NOSTRIN: variants seen among roughly 807,000 people sequenced by gnomAD.
NOSTRIN encodes the protein nitric oxide synthase trafficking, also known as BM247 homolog.
NOSTRIN carries 63 observed loss-of-function variants against 59.0 expected under a neutral mutation model. The observed-to-expected ratio is 1.07, with a 90% CI of 0.87 to 1.32. NOSTRIN has a LOEUF of 1.32. Ranked by LOEUF, NOSTRIN falls within the 40% of genes most tolerant of loss-of-function variation. The pLI is 0.00. For synonymous variants in NOSTRIN, 200 were observed against 165.4 expected, an observed-to-expected ratio of 1.21 and a Z score of -1.61; for missense variants, 512 against 473.1, an observed-to-expected ratio of 1.08 and a Z score of -0.76.
chr2:168,808,895 A>C (rs1686000991), intron 1 of NOSTRIN, among the ~76,000 whole-genome samples: 1 of 152,242 alleles, frequency 6.6e-6, no homozygotes, highest in South Asian at 2.1e-4. Flanking sequence ...TAGCCAAATA[A>C]ATTATGAAAA....
rs753982193 is a variant in NOSTRIN at position 168,856,751 on chromosome 2, G to A, written c.1026G>A (p.Gln342=). 4.3e-6 allele frequency: 7 copies of A among 1,614,174 alleles called. No homozygotes were observed. In the South Asian group the frequency reaches 6.6e-5, roughly 15 times the overall value. Residue 342 remains glutamine (Q), a synonymous_variant, in exon 12 of 16, where the codon CAG becomes CAA. Transcript: ENST00000317647. ...CCTCCTTCTCTGATGCAAAGAGCCA[G>A]AAAGACACAGCAGCGTTAATGGATG... The part of the protein sequence containing the change: ...STSSFSDAKS[Q]KDTAALMDEN...
chr2:168,860,952 C>A, intron 14 of NOSTRIN, 43 bp downstream of exon 14: 2 of 1,238,052 alleles, frequency 1.6e-6, no homozygotes, highest in Non-Finnish European at 2.4e-6. Flanking sequence ...GTCCTACTGG[C>A]AGGGCACATT....
intron 3 of NOSTRIN, among the ~76,000 whole-genome samples, 181 bp from the exon 4 acceptor site, chr2:168,827,977 T>C (rs1687145499): frequency 6.6e-6 from 1 of 151,872 alleles, no homozygotes; most frequent in Admixed American, 6.6e-5. Flanking sequence ...ATATAATGAG[T>C]ATAGTGCAAA....
chr2:168,829,141 A>T (rs1246025408), intron 5 of NOSTRIN, among the ~76,000 whole-genome samples: 1 of 152,136 alleles, frequency 6.6e-6, no homozygotes, highest in East Asian at 1.9e-4. Context: ...ACAATCCTCA[A>T]ATGTCCTAAA....
At chr2:168,809,527 A>G (rs938160412) in intron 1 of NOSTRIN, among the ~76,000 whole-genome samples, 18 of 152,148 alleles carry the variant, frequency 1.2e-4, no homozygotes, top group Admixed American at 3.3e-4. Context: ...GAAGAAAACA[A>G]AAGGCTTAGG....
chr2:168,828,996 TATTTC>T (rs1403012633), intron 5 of NOSTRIN, among the ~76,000 whole-genome samples: 2 of 152,154 alleles, frequency 1.3e-5, no homozygotes, highest in African/African-American at 4.8e-5. Context: ...AGGTTATTTT[TATTTC>T]ATTTTTATAC....
At chr2:168,806,336 T>C (rs1685850344) in intron 1 of NOSTRIN, among the ~76,000 whole-genome samples, 1 of 152,128 alleles carries the variant, frequency 6.6e-6, no homozygotes, top group Non-Finnish European at 1.5e-5. Context: ...TAGAACTAAA[T>C]TTAACCCTCT....
rs533610093 is a variant in NOSTRIN at position 168,837,466 on chromosome 2, A to G, written c.504+3141A>G. 5.3e-5 allele frequency among the ~76,000 whole-genome samples: 8 copies of G among 150,984 alleles called. 1 individual carries two copies. The South Asian group carries it at 1.3e-3, about 24-fold the overall frequency. ...CTGGGACTACAGGCCCCGCCACCAC[A>G]CCCAGCTAATTTTTTATATTTTTTA... On this transcript the variant is annotated intron_variant, in intron 7 of 15. Transcript: ENST00000317647.
intron 7 of NOSTRIN, among the ~76,000 whole-genome samples, chr2:168,839,969 T>C (rs985317345): frequency 6.7e-6 from 1 of 150,132 alleles, no homozygotes; most frequent in Admixed American, 6.6e-5. Flanking sequence ...TTCATATATA[T>C]ACTTGAACTA....
At chr2:168,804,952 C>T (rs1341835462) in intron 1 of NOSTRIN, among the ~76,000 whole-genome samples, 1 of 152,072 alleles carries the variant, frequency 6.6e-6, no homozygotes, top group African/African-American at 2.4e-5. Flanking sequence ...TTACATTCAC[C>T]CTGACTTCAA....
At chr2:168,848,940 T>C (rs994323500) in intron 8 of NOSTRIN, among the ~76,000 whole-genome samples, 1 of 152,234 alleles carries the variant, frequency 6.6e-6, no homozygotes, top group Non-Finnish European at 1.5e-5. Flanking sequence ...TGGCATGTCA[T>C]ATTATGTAAA....
intron 5 of NOSTRIN, 91 bp from the exon 6 acceptor site, chr2:168,831,381 C>T (rs533318362): frequency 2.5e-5 from 18 of 728,618 alleles, no homozygotes; most frequent in African/African-American, 1.0e-4. Context: ...AGGTTTCAAT[C>T]GATACATTTT....
At chr2:168,802,044 T>C (rs1685629680), upstream of NOSTRIN, among the ~76,000 whole-genome samples, 1 of 151,950 alleles carries the variant, frequency 6.6e-6, no homozygotes, top group South Asian at 2.1e-4. Context: ...CCCTGTGGGA[T>C]TTAGGGGGTG....
intron 1 of NOSTRIN, among the ~76,000 whole-genome samples, chr2:168,787,477 C>T (rs1241608305): frequency 6.6e-6 from 1 of 152,212 alleles, no homozygotes; most frequent in African/African-American, 2.4e-5. Flanking sequence ...AAGCCTTAGC[C>T]TTTGGGAATT....
At chr2:168,841,291 TAAA>T (rs1472341409) in intron 7 of NOSTRIN, among the ~76,000 whole-genome samples, 9 of 88,298 alleles carry the variant, frequency 1.0e-4, no homozygotes, top group Admixed American at 1.1e-4. Context: ...TTGAATGCTT[TAAA>T]TATATATATA....
chr2:168,819,511 TTAAC>T (rs1686602044), intron 2 of NOSTRIN, among the ~76,000 whole-genome samples: 1 of 152,210 alleles, frequency 6.6e-6, no homozygotes, highest in Non-Finnish European at 1.5e-5. Context: ...AATTTAACCG[TTAAC>T]ATCTGTTGAG....
intron 2 of NOSTRIN, among the ~76,000 whole-genome samples, chr2:168,813,763 A>G (rs1393086977): frequency 1.3e-5 from 2 of 152,232 alleles, no homozygotes; most frequent in Non-Finnish European, 2.9e-5. Flanking sequence ...GCACAAAAAC[A>G]GTATAGTATG....
At chr2:168,834,507 G>GCACGCGCACACACACACA (rs1553527196) in intron 7 of NOSTRIN, among the ~76,000 whole-genome samples, 182 bp downstream of exon 7, 1 of 125,342 alleles carries the variant, frequency 8.0e-6, no homozygotes, top group Non-Finnish European at 1.7e-5. Flanking sequence ...GCGCGCGCGC[G>GCACGCGCACACACACACA]CACACACACA....
At position 168,851,273 on chromosome 2, in the gene NOSTRIN, T is replaced by C; in HGVS notation, c.730-6T>C. The stretch of plus-strand genomic sequence containing the variant: ...CAACCTTATTCTGTTCCCCTTGGCA[T>C]TGCAGTGCCACACGCAGATTCACTG... On this transcript the variant is annotated splice_polypyrimidine_tract_variant and splice_region_variant and intron_variant, in intron 9 of 15. Coordinates refer to ENST00000317647, the MANE Select transcript of NOSTRIN (RefSeq NM_001039724.4). 4 of 1,613,884 alleles carry C rather than the reference T, an allele frequency of 2.5e-6. No individual in the cohort carries two copies. Among genetic ancestry groups the C allele is most frequent in the Non-Finnish European group, 2.5e-6 (3 of 1,179,968 alleles).
Sources: allele counts gnomAD v4.1 joint callset (sites outside exome capture counted in the v4.1 genomes callset), GRCh38; gene constraint gnomAD v4.1.1; transcripts MANE v1.5; gene names NCBI Gene and HGNC (gene_info 2026-07-23, HGNC 2026-07-21).